Variants in CLDN16 observed in about 807,000 individuals in gnomAD.
CLDN16 encodes claudin 16.
CLDN16 carries 13 observed loss-of-function variants against 24.6 expected under a neutral mutation model. The ratio of observed to expected loss-of-function variants is 0.53; its 90% CI spans 0.34 to 0.84. The LOEUF is 0.84. Ranked by LOEUF, CLDN16 falls within the 40% of genes least tolerant of loss-of-function variation. The pLI, the probability that CLDN16 is intolerant of heterozygous loss-of-function variation, is 0.01. For synonymous variants in CLDN16, 116 were observed against 106.7 expected (o/e 1.09, Z -0.54); for missense variants, 298 against 292.7 (o/e 1.02, Z -0.13).
At chr3:190,405,203 G>T (rs1007633329) in intron 3 of CLDN16, among the ~76,000 whole-genome samples, 1 of 152,098 alleles carries the variant, frequency 6.6e-6, no homozygotes, top group Non-Finnish European at 1.5e-5. Flanking sequence ...GCCAAGGCAG[G>T]CAGATCACTT....
intron 1 of CLDN16, among the ~76,000 whole-genome samples, chr3:190,329,828 A>G (rs1194457493): frequency 6.6e-6 from 1 of 152,190 alleles, no homozygotes; most frequent in Admixed American, 6.5e-5. Flanking sequence ...GAGGAATCTT[A>G]GAGAGGTATA....
chr3:190,316,409 A>G, the CLDN16 span, among the ~76,000 whole-genome samples: 1 of 152,234 alleles, frequency 6.6e-6, no homozygotes, highest in African/African-American at 2.4e-5. Context: ...AAAATGCAAA[A>G]ATAATATACA....
chr3:190,364,054 TG>T (rs1256348863), intron 1 of CLDN16, among the ~76,000 whole-genome samples: 3 of 137,494 alleles, frequency 2.2e-5, no homozygotes, highest in African/African-American at 8.3e-5. Context: ...TAGTGCAGAA[TG>T]GTCCTTTTTA....
At chr3:190,399,000 G>T (rs943821385) in intron 1 of CLDN16, among the ~76,000 whole-genome samples, 71 of 152,102 alleles carry the variant, frequency 4.7e-4, no homozygotes, top group African/African-American at 1.4e-3. Flanking sequence ...TAGATTTTTT[G>T]ATCTCTGTGT....
the CLDN16 span, among the ~76,000 whole-genome samples, chr3:190,298,261 G>T: frequency 1.3e-5 from 2 of 151,466 alleles, no homozygotes; most frequent in Non-Finnish European, 2.9e-5. Context: ...CCATCCTACT[G>T]CTTCTTTCAA....
chr3:190,307,883 A>G, the CLDN16 span: 7 of 166,414 alleles, frequency 4.2e-5, no homozygotes, highest in Admixed American at 1.7e-4. Flanking sequence ...AATTAAATAC[A>G]TTTACCTATT....
chr3:190,379,266 C>T (rs999538874), intron 3 of CLDN16, among the ~76,000 whole-genome samples: 32 of 152,048 alleles, frequency 2.1e-4, no homozygotes, highest in African/African-American at 7.7e-4. Flanking sequence ...TGATTAGCCT[C>T]TTGAATGTAA....
intron 1 of CLDN16, among the ~76,000 whole-genome samples, chr3:190,345,900 C>G (rs553137130): frequency 6.6e-6 from 1 of 151,962 alleles, no homozygotes; most frequent in Admixed American, 6.6e-5. Flanking sequence ...TAATCTTATT[C>G]ATTTATTTAT....
the CLDN16 span, among the ~76,000 whole-genome samples, chr3:190,291,184 G>C: frequency 6.6e-6 from 1 of 152,182 alleles, no homozygotes; most frequent in Admixed American, 6.5e-5. Context: ...GGAAGAGCAA[G>C]GGGATCAATG....
intron 1 of CLDN16, among the ~76,000 whole-genome samples, chr3:190,395,296 A>G (rs1184237826): frequency 6.6e-6 from 1 of 152,064 alleles, no homozygotes; most frequent in Admixed American, 6.5e-5. Context: ...AAACAAATAA[A>G]TTTTAGCAAA....
chr3:190,340,034 T>A (rs60651486), intron 1 of CLDN16, among the ~76,000 whole-genome samples: 2,193 of 152,280 alleles, frequency 0.014, 54 homozygotes, highest in African/African-American at 0.048. Context: ...TGGTGATATA[T>A]CATATTAACA....
At chr3:190,382,888 A>G (rs910284276) in intron 3 of CLDN16, among the ~76,000 whole-genome samples, 1 of 152,132 alleles carries the variant, frequency 6.6e-6, no homozygotes, top group Non-Finnish European at 1.5e-5. Context: ...AACCTTCTCT[A>G]GTTGGGCTTT....
At chr3:190,300,393 A>G in the CLDN16 span, among the ~76,000 whole-genome samples, 30 of 150,658 alleles carry the variant, frequency 2.0e-4, no homozygotes, top group South Asian at 4.1e-4. Context: ...AACAGCCTGA[A>G]GTTTTTCTGA....
At chr3:190,405,558 C>G (rs754266658) in intron 3 of CLDN16, among the ~76,000 whole-genome samples, 4 of 151,644 alleles carry the variant, frequency 2.6e-5, no homozygotes, top group Non-Finnish European at 5.9e-5. Context: ...AGTTAAAATC[C>G]TAAAGTAAGC....
chr3:190,394,684 G>A (rs976361720), intron 1 of CLDN16, among the ~76,000 whole-genome samples: 16 of 151,996 alleles, frequency 1.1e-4, no homozygotes, highest in Admixed American at 6.6e-4. Flanking sequence ...TTGATAGAGC[G>A]CCTAGTAACA....
chr3:190,401,579 T>C (rs894157934), intron 1 of CLDN16, among the ~76,000 whole-genome samples: 4 of 152,172 alleles, frequency 2.6e-5, no homozygotes, highest in African/African-American at 9.7e-5. Context: ...GGTTTGTAGA[T>C]AAAGTATGAG....
intron 1 of CLDN16, among the ~76,000 whole-genome samples, chr3:190,391,771 G>A (rs551476781): frequency 1.4e-4 from 21 of 152,240 alleles, no homozygotes; most frequent in African/African-American, 5.1e-4. Context: ...TTCGTATTAG[G>A]TAAAAATGCT....
At chr3:190,312,959 C>T in the CLDN16 span, 7 of 1,614,174 alleles carry the variant, frequency 4.3e-6, no homozygotes, top group Non-Finnish European at 4.2e-6. Flanking sequence ...CACTTCATGC[C>T]AACGGTGGCC....
At chr3:190,331,885 G>T (rs1235905625) in intron 1 of CLDN16, among the ~76,000 whole-genome samples, 2 of 152,162 alleles carry the variant, frequency 1.3e-5, no homozygotes, top group Non-Finnish European at 2.9e-5. Context: ...TCCATTCCTT[G>T]TCCTGGTACA....
Sources: allele counts gnomAD v4.1 joint callset (sites outside exome capture counted in the v4.1 genomes callset), GRCh38; gene constraint gnomAD v4.1.1; transcripts MANE v1.5; gene names NCBI Gene and HGNC (gene_info 2026-07-23, HGNC 2026-07-21).